ATF7IP2: variants seen among roughly 807,000 people sequenced by gnomAD.
The protein encoded by ATF7IP2 is activating transcription factor 7 interacting protein 2.
ATF7IP2 carries 42 observed loss-of-function variants against 64.2 expected under a neutral mutation model. The ratio of observed to expected loss-of-function variants is 0.65; its 90% CI spans 0.51 to 0.85. The LOEUF (loss-of-function observed/expected upper bound fraction) is 0.85. Ranked by LOEUF, ATF7IP2 falls within the 40% of genes least tolerant of loss-of-function variation. The pLI is 0.00. For synonymous variants in ATF7IP2, 308 were observed against 272.8 expected, an observed-to-expected ratio of 1.13 and a Z score of -1.27; for missense variants, 933 against 784.2, an observed-to-expected ratio of 1.19 and a Z score of -2.27.
At chr16:10,411,246 T>A (rs931720008) in intron 1 of ATF7IP2, among the ~76,000 whole-genome samples, 11 of 152,180 alleles carry the variant, frequency 7.2e-5, no homozygotes, top group African/African-American at 2.7e-4. Flanking sequence ...TTAGGGAGGA[T>A]TCCCTCTTTC....
intron 12 of ATF7IP2, among the ~76,000 whole-genome samples, chr16:10,479,538 TATACCTA>T (rs1481794532): frequency 6.6e-6 from 1 of 151,812 alleles, no homozygotes; most frequent in Non-Finnish European, 1.5e-5. Flanking sequence ...CATTAGGAGA[TATACCTA>T]ATGCTAAATG....
chr16:10,467,628 G>C (rs1161955899), intron 9 of ATF7IP2, among the ~76,000 whole-genome samples: 1 of 151,296 alleles, frequency 6.6e-6, no homozygotes, highest in Non-Finnish European at 1.5e-5. Flanking sequence ...GAGTGCAGTG[G>C]TGTATCTTGG....
intron 1 of ATF7IP2, among the ~76,000 whole-genome samples, chr16:10,409,298 T>G (rs2047704584): frequency 6.6e-6 from 1 of 152,038 alleles, no homozygotes. Context: ...TTAGAACTGA[T>G]AGGAAGGTTG....
chr16:10,431,392 A>G lies in ATF7IP2; in HGVS notation c.772A>G (p.Ser258Gly). ...ILKTDECSRT[S>G]ISNCESADST... ...GAAAACTGATGAGTGTAGTAGAACCAGTATTTCAAATTGTGAAAGTGCAGA... is the reference window on the plus strand; with the variant it reads ...GAAAACTGATGAGTGTAGTAGAACCGGTATTTCAAATTGTGAAAGTGCAGA... The change falls in exon 5 of 14, where the codon AGT (serine) becomes GGT (glycine). Residue 258 changes from serine (S) to glycine (G), a missense_variant. Physicochemically the swap from Ser to Gly is moderately conservative, Grantham distance 56. Transcript: ENST00000562102. The G allele has an allele frequency of 1.2e-6, 2 of 1,612,488 alleles. No individual in the cohort carries two copies. The highest frequency in any genetic ancestry group is 1.3e-5 in the African/African-American group (1 of 75,028).
chr16:10,470,376 G>T (rs968523215), intron 9 of ATF7IP2, among the ~76,000 whole-genome samples: 4 of 152,068 alleles, frequency 2.6e-5, no homozygotes, highest in South Asian at 2.1e-4. Flanking sequence ...AATTAAAGGA[G>T]ACCTAAATAA....
chr16:10,471,544 C>A lies in ATF7IP2; in HGVS notation c.1353-566C>A, dbSNP rs145518741. On this transcript the variant is annotated intron_variant, in intron 9 of 13. Coordinates refer to ENST00000562102, the MANE Select transcript of ATF7IP2 (RefSeq NM_001393719.1). ...ACTCCATCTCAAAAAACAAAAAAGT[C>A]GCTCATAAAAAAAAAGGGTCAAAAT... Among the ~76,000 whole-genome samples, 15 of 151,410 alleles carry A rather than the reference C, an allele frequency of 9.9e-5. No homozygotes were observed. The East Asian group carries it at 2.9e-3, about 29-fold the overall frequency.
At chr16:10,462,817 C>G (rs987313401) in intron 9 of ATF7IP2, among the ~76,000 whole-genome samples, 2 of 152,032 alleles carry the variant, frequency 1.3e-5, no homozygotes, top group Non-Finnish European at 2.9e-5. Flanking sequence ...TTCTGTCTTA[C>G]TGGTTTCTAA....
At chr16:10,429,257 A>G (rs989798584) in intron 4 of ATF7IP2, among the ~76,000 whole-genome samples, 1 of 152,218 alleles carries the variant, frequency 6.6e-6, no homozygotes, top group Non-Finnish European at 1.5e-5. Context: ...ACACAGTCCT[A>G]TAGGAAAAAT....
At chr16:10,388,179 T>C (rs2141721844) in intron 1 of ATF7IP2, among the ~76,000 whole-genome samples, 1 of 152,322 alleles carries the variant, frequency 6.6e-6, no homozygotes, top group African/African-American at 2.4e-5. Flanking sequence ...GCGCTAGTCT[T>C]AGCGCCCGGC....
At position 10,394,579 on chromosome 16, in the gene ATF7IP2, G is replaced by A. The variant is rs547696572; in HGVS notation, c.-242+8457G>A. On this transcript the variant is annotated intron_variant, in intron 1 of 13. Coordinates refer to ENST00000562102, the MANE Select transcript of ATF7IP2 (RefSeq NM_001393719.1). Reference sequence around the variant, plus strand: ...CCAACAACAGCAGAATAGACTTTTGGAGTGTATGTAGAACATCCATCAATA... The same window carrying A: ...CCAACAACAGCAGAATAGACTTTTGAAGTGTATGTAGAACATCCATCAATA... Among the ~76,000 whole-genome samples the A allele has an allele frequency of 2.6e-5, 4 of 152,274 alleles. No homozygotes were observed. In the South Asian group the frequency reaches 8.3e-4, roughly 32 times the overall value.
At chr16:10,401,694 G>A (rs1382089881) in intron 1 of ATF7IP2, among the ~76,000 whole-genome samples, 1 of 150,566 alleles carries the variant, frequency 6.6e-6, no homozygotes, top group African/African-American at 2.4e-5. Context: ...TATTAGTTCA[G>A]CTTTGTATGG....
intron 1 of ATF7IP2, among the ~76,000 whole-genome samples, chr16:10,406,431 G>A (rs2047641440): frequency 6.6e-6 from 1 of 151,978 alleles, no homozygotes; most frequent in Non-Finnish European, 1.5e-5. Context: ...ACCTAATGAT[G>A]CATCTTAAAG....
intron 9 of ATF7IP2, among the ~76,000 whole-genome samples, chr16:10,469,217 C>G (rs1483282638): frequency 1.3e-5 from 2 of 151,968 alleles, no homozygotes; most frequent in East Asian, 3.9e-4. Context: ...CCTAAAAGAG[C>G]TATTGCCAAT....
chr16:10,475,387 G>A (rs2049964734), intron 12 of ATF7IP2, among the ~76,000 whole-genome samples: 2 of 152,034 alleles, frequency 1.3e-5, no homozygotes, highest in South Asian at 2.1e-4. Context: ...GAGATAAAAA[G>A]GAATTTTTAA....
At chr16:10,472,088 T>C in intron 9 of ATF7IP2, 22 bp from the exon 10 acceptor site, 1 of 1,409,142 alleles carries the variant, frequency 7.1e-7, no homozygotes, top group Non-Finnish European at 9.9e-7. Context: ...TTTTTGTTTT[T>C]AATTTCTTTT....
intron 11 of ATF7IP2, 76 bp from the exon 12 acceptor site, chr16:10,473,847 C>T: frequency 1.1e-6 from 1 of 912,190 alleles, no homozygotes; most frequent in Non-Finnish European, 1.6e-6. Flanking sequence ...TTAAAATTAC[C>T]AAATGGTTTT....
intron 7 of ATF7IP2, 27 bp from the exon 8 acceptor site, chr16:10,440,337 A>C (rs373506225): frequency 1.6e-6 from 2 of 1,217,202 alleles, no homozygotes; most frequent in Admixed American, 4.9e-5. Flanking sequence ...CTGGCTTAGT[A>C]TTTATTTTTT....
intron 8 of ATF7IP2, among the ~76,000 whole-genome samples, chr16:10,452,214 A>G (rs2049008052): frequency 6.6e-6 from 1 of 151,902 alleles, no homozygotes; most frequent in African/African-American, 2.4e-5. Context: ...TGTTTTTGGA[A>G]TTTTCAGCCT....
At chr16:10,405,936 C>A (rs527537996) in intron 1 of ATF7IP2, among the ~76,000 whole-genome samples, 1 of 152,150 alleles carries the variant, frequency 6.6e-6, no homozygotes, top group African/African-American at 2.4e-5. Context: ...CTACTAAAAA[C>A]AAACTAGCTG....
Sources: gnomAD v4.1 joint callset for allele counts (sites outside exome capture counted in the v4.1 genomes callset) on GRCh38, gnomAD v4.1.1 for gene constraint, MANE v1.5 for transcripts, NCBI Gene and HGNC (gene_info 2026-07-23, HGNC 2026-07-21) for gene names.